The following SLIT3 variants were observed in gnomAD, a reference collection of about 807,000 sequenced individuals.
SLIT3 encodes the protein slit guidance ligand 3, also known as slit homolog 3 protein.
SLIT3 carries 68 observed loss-of-function variants against 184.0 expected under a neutral mutation model. The observed-to-expected ratio is 0.37, with a 90% CI of 0.30 to 0.45. The LOEUF is 0.45. Ranked by LOEUF, SLIT3 falls within the 20% of genes least tolerant of loss-of-function variation. The pLI, the probability that SLIT3 is intolerant of heterozygous loss-of-function variation, is 1.00. For synonymous variants in SLIT3, 831 were observed against 828.6 expected (o/e 1.00, Z -0.05); for missense variants, 1,707 against 2,026.0 (o/e 0.84, Z 3.02).
chr5:169,262,568 C>A (rs1015581385), intron 1 of SLIT3, among the ~76,000 whole-genome samples: 3 of 152,104 alleles, frequency 2.0e-5, no homozygotes, highest in African/African-American at 7.2e-5. Flanking sequence ...TGCTTGGGGA[C>A]TGGAACCATA....
intron 1 of SLIT3, chr5:169,263,730 C>T (rs377376209): frequency 7.7e-5 from 39 of 506,970 alleles, no homozygotes; most frequent in Admixed American, 1.8e-4. Flanking sequence ...TGCTCCATCT[C>T]GTGCTGGCTT....
intron 4 of SLIT3, among the ~76,000 whole-genome samples, chr5:169,038,854 A>G (rs575325654): frequency 6.6e-6 from 1 of 152,116 alleles, no homozygotes; most frequent in Non-Finnish European, 1.5e-5. Flanking sequence ...TCCTACCTCC[A>G]CCTCCAAGCA....
intron 3 of SLIT3, among the ~76,000 whole-genome samples, chr5:169,197,848 C>T (rs1763787225): frequency 6.6e-6 from 1 of 152,156 alleles, no homozygotes; most frequent in African/African-American, 2.4e-5. Context: ...GTTGCAAAGC[C>T]ATACTGCTTT....
intron 20 of SLIT3, 59 bp from the exon 21 acceptor site, chr5:168,724,543 T>C: frequency 2.0e-6 from 3 of 1,464,552 alleles, no homozygotes; most frequent in South Asian, 1.2e-5. Flanking sequence ...ATTCTCACCT[T>C]TTCAGAGAAG....
chr5:168,841,355 C>A (rs1758241282), intron 6 of SLIT3, among the ~76,000 whole-genome samples: 2 of 152,188 alleles, frequency 1.3e-5, no homozygotes, highest in Admixed American at 1.3e-4. Flanking sequence ...TATCACTGGG[C>A]TTGAGTAACT....
intron 1 of SLIT3, among the ~76,000 whole-genome samples, chr5:169,292,289 C>G (rs1457025046): frequency 3.3e-5 from 5 of 152,324 alleles, no homozygotes; most frequent in Non-Finnish European, 5.9e-5. Flanking sequence ...AACATACACA[C>G]ACATACATGC....
chr5:169,145,916 C>T (rs1761907908), intron 4 of SLIT3, among the ~76,000 whole-genome samples: 1 of 152,116 alleles, frequency 6.6e-6, no homozygotes, highest in Admixed American at 6.5e-5. Context: ...GGTGTGGTGG[C>T]ACACACAACC....
At chr5:168,906,649 T>TA (rs1447667331) in intron 4 of SLIT3, among the ~76,000 whole-genome samples, 3 of 152,042 alleles carry the variant, frequency 2.0e-5, no homozygotes, top group Non-Finnish European at 4.4e-5. Context: ...TATATATATA[T>TA]TTTTTTCCGA....
chr5:169,269,238 T>C (rs919863025), intron 1 of SLIT3, among the ~76,000 whole-genome samples: 9 of 152,204 alleles, frequency 5.9e-5, no homozygotes, highest in Admixed American at 2.0e-4. Flanking sequence ...TTGGATCCAA[T>C]GACTGCAGGT....
chr5:168,931,052 C>T (rs988230981), intron 4 of SLIT3, among the ~76,000 whole-genome samples: 3 of 152,168 alleles, frequency 2.0e-5, no homozygotes, highest in African/African-American at 4.8e-5. Context: ...TGACAGCCAG[C>T]CCGGCCCAAC....
chr5:169,166,750 G>A lies in SLIT3; in HGVS notation c.413+26729C>T, dbSNP rs1433981864. On this transcript the variant is annotated intron_variant, in intron 4 of 35. Transcript: ENST00000519560. ...CACAGGTGAGAGTAACTCCAGAATGGAAGAAATGAAAAGAATGATGCCTCC... is the reference window on the plus strand; with the variant it reads ...CACAGGTGAGAGTAACTCCAGAATGAAAGAAATGAAAAGAATGATGCCTCC... 3.3e-5 allele frequency among the ~76,000 whole-genome samples: 5 copies of A among 152,280 alleles called. No individual in the cohort carries two copies. The South Asian group carries it at 1.0e-3, about 32-fold the overall frequency.
At chr5:169,243,822 G>A (rs1044895656) in intron 3 of SLIT3, among the ~76,000 whole-genome samples, 2 of 152,204 alleles carry the variant, frequency 1.3e-5, no homozygotes, top group African/African-American at 2.4e-5. Context: ...AGAAGAAAGA[G>A]GCTGAAATGT....
intron 4 of SLIT3, among the ~76,000 whole-genome samples, chr5:168,899,773 T>C (rs532876249): frequency 6.8e-6 from 1 of 146,626 alleles, no homozygotes; most frequent in Non-Finnish European, 1.5e-5. Context: ...TTCTGAAACC[T>C]TAGCCAGGCC....
At chr5:168,994,757 C>T (rs542059150) in intron 4 of SLIT3, among the ~76,000 whole-genome samples, 24 of 149,228 alleles carry the variant, frequency 1.6e-4, no homozygotes, top group African/African-American at 3.5e-4. Context: ...GTGATTCTCC[C>T]GCCTCAGCCT....
chr5:168,762,401 C>T, intron 15 of SLIT3, 138 bp downstream of exon 15: 1 of 821,102 alleles, frequency 1.2e-6, no homozygotes, highest in South Asian at 1.7e-5. Context: ...TACCTTCAGA[C>T]CAGTATGTGA....
intron 4 of SLIT3, among the ~76,000 whole-genome samples, chr5:169,076,571 A>G (rs1410157885): frequency 6.6e-6 from 1 of 152,086 alleles, no homozygotes; most frequent in Non-Finnish European, 1.5e-5. Flanking sequence ...AATTGTCAAA[A>G]TGGATTTCTT....
At chr5:168,968,181 C>A (rs1373082982) in intron 4 of SLIT3, among the ~76,000 whole-genome samples, 1 of 152,162 alleles carries the variant, frequency 6.6e-6, no homozygotes. Flanking sequence ...GTCAGCAAGG[C>A]TAAGGCAACT....
intron 4 of SLIT3, among the ~76,000 whole-genome samples, chr5:169,177,223 G>C (rs1236072591): frequency 6.6e-6 from 1 of 152,166 alleles, no homozygotes; most frequent in African/African-American, 2.4e-5. Context: ...ACGGCCAGGA[G>C]CCAGAAGTAA....
intron 4 of SLIT3, among the ~76,000 whole-genome samples, chr5:168,934,106 T>A (rs1488868255): frequency 1.3e-5 from 2 of 152,214 alleles, no homozygotes; most frequent in Non-Finnish European, 2.9e-5. Flanking sequence ...CTCCACCTGC[T>A]TCCCGGAAGC....
Sources: gnomAD v4.1 joint callset for allele counts (sites outside exome capture counted in the v4.1 genomes callset) on GRCh38, gnomAD v4.1.1 for gene constraint, MANE v1.5 for transcripts, NCBI Gene and HGNC (gene_info 2026-07-23, HGNC 2026-07-21) for gene names.